Variants in EYS observed in about 807,000 individuals in gnomAD.
EYS encodes the protein EGF-like photoreceptor maintenance factor.
A neutral mutation model predicts 282.1 loss-of-function variants in EYS; 250 were observed. The observed-to-expected ratio is 0.89, with a 90% CI of 0.80 to 0.98. The LOEUF is 0.98. Among genes scored for constraint, EYS ranks in the 50% least tolerant of loss-of-function variants. EYS has a pLI of 0.00. For synonymous variants in EYS, 1,355 were observed against 1,282.9 expected (o/e 1.06, Z -1.20); for missense variants, 4,016 against 3,709.0 (o/e 1.08, Z -2.15).
chr6:65,604,407 G>A (rs562887813), intron 2 of EYS, among the ~76,000 whole-genome samples: 31 of 151,974 alleles, frequency 2.0e-4, no homozygotes, highest in African/African-American at 6.7e-4. Context: ...AAATTCACAC[G>A]ATTAATTACG....
chr6:65,459,968 T>TTATATATATATATATA (rs34762215), intron 5 of EYS, among the ~76,000 whole-genome samples: 7 of 80,660 alleles, frequency 8.7e-5, no homozygotes, highest in Non-Finnish European at 1.8e-4. Flanking sequence ...TTTGTGTATT[T>TTATATATATATATATA]TATATATATA....
intron 31 of EYS, among the ~76,000 whole-genome samples, chr6:64,125,091 C>T (rs116220907): frequency 0.018 from 2,768 of 151,898 alleles, 70 homozygotes; most frequent in African/African-American, 0.063. Context: ...TCTGCACAAG[C>T]AGGATAGATC....
intron 29 of EYS, among the ~76,000 whole-genome samples, chr6:64,332,148 T>G (rs1409779101): frequency 1.3e-5 from 2 of 152,144 alleles, no homozygotes; most frequent in African/African-American, 4.8e-5. Flanking sequence ...AGAAGTTTTG[T>G]CAAGAAACTC....
intron 7 of EYS, among the ~76,000 whole-genome samples, chr6:65,386,019 G>C (rs1346367933): frequency 2.0e-5 from 3 of 151,778 alleles, no homozygotes; most frequent in Admixed American, 6.6e-5. Context: ...GTGACTTTCG[G>C]GCTTACTTTG....
At chr6:64,688,478 T>C (rs111375562) in intron 22 of EYS, among the ~76,000 whole-genome samples, 1 of 152,192 alleles carries the variant, frequency 6.6e-6, no homozygotes, top group East Asian at 1.9e-4. Context: ...CATTTTGTTA[T>C]GTACCCAGTA....
chr6:64,175,965 A>C (rs13205132), intron 31 of EYS, among the ~76,000 whole-genome samples: 41,262 of 152,070 alleles, frequency 0.27, 5,827 homozygotes, highest in East Asian at 0.44. Flanking sequence ...GTAGAAGATA[A>C]GTGCTATGGG....
chr6:64,545,668 C>G (rs1562052573), intron 26 of EYS, among the ~76,000 whole-genome samples: 2 of 152,184 alleles, frequency 1.3e-5, no homozygotes, highest in Non-Finnish European at 2.9e-5. Flanking sequence ...GCAACTTCAG[C>G]AAAGTCTCAG....
chr6:64,964,116 C>T (rs538452129), intron 14 of EYS, among the ~76,000 whole-genome samples: 1 of 151,964 alleles, frequency 6.6e-6, no homozygotes, highest in East Asian at 1.9e-4. Flanking sequence ...TTTTAATAAA[C>T]ACACACTTCT....
intron 31 of EYS, among the ~76,000 whole-genome samples, chr6:64,151,317 T>TTATA (rs61575285): frequency 0.073 from 3,763 of 51,442 alleles, 114 homozygotes; most frequent in Non-Finnish European, 0.074. Flanking sequence ...GTGTGTATAT[T>TTATA]TATATATATA....
intron 24 of EYS, among the ~76,000 whole-genome samples, chr6:64,617,097 GTAT>G (rs1222250117): frequency 1.3e-5 from 2 of 152,084 alleles, no homozygotes; most frequent in African/African-American, 4.8e-5. Context: ...GACCCTGACG[GTAT>G]TAAGTAATTC....
At chr6:64,255,727 G>T (rs1402420405) in intron 30 of EYS, among the ~76,000 whole-genome samples, 1 of 151,958 alleles carries the variant, frequency 6.6e-6, no homozygotes, top group Admixed American at 6.6e-5. Flanking sequence ...GTGTATGTTT[G>T]TGTTTGAACA....
chr6:65,068,119 A>C (rs1298727909), intron 12 of EYS, among the ~76,000 whole-genome samples: 3 of 152,076 alleles, frequency 2.0e-5, no homozygotes, highest in African/African-American at 7.2e-5. Context: ...TTCCTCTTAT[A>C]CTAAAGATTT....
At chr6:63,887,314 G>GTTTTTTTTTTT (rs35622877) in intron 35 of EYS, among the ~76,000 whole-genome samples, 2 of 120,236 alleles carry the variant, frequency 1.7e-5, no homozygotes, top group Non-Finnish European at 3.3e-5. Context: ...AATAAAAGGT[G>GTTTTTTTTTTT]TTTTTTTTTT....
chr6:65,024,396 A>G (rs1772335238), intron 13 of EYS, among the ~76,000 whole-genome samples: 1 of 152,140 alleles, frequency 6.6e-6, no homozygotes, highest in Non-Finnish European at 1.5e-5. Context: ...AGTCATTCCC[A>G]TTCTTCCCTG....
At chr6:65,331,618 T>A (rs1451815006) in intron 11 of EYS, 3 of 980,158 alleles carry the variant, frequency 3.1e-6, no homozygotes, top group Admixed American at 6.2e-5. Context: ...TATCAAAAAA[T>A]AATGGCAAAC....
chr6:63,898,460 C>T (rs1238153194), intron 35 of EYS, among the ~76,000 whole-genome samples: 1 of 151,868 alleles, frequency 6.6e-6, no homozygotes, highest in East Asian at 1.9e-4. Context: ...CACTGCACTC[C>T]AGCCTGAGCA....
intron 22 of EYS, among the ~76,000 whole-genome samples, chr6:64,652,894 G>T (rs1331489273): frequency 1.3e-5 from 2 of 152,260 alleles, no homozygotes; most frequent in Non-Finnish European, 2.9e-5. Context: ...ATATGTGTGT[G>T]TGTGTTTGTG....
intron 12 of EYS, among the ~76,000 whole-genome samples, chr6:65,071,221 A>C (rs1446501560): frequency 6.6e-6 from 1 of 151,918 alleles, no homozygotes; most frequent in African/African-American, 2.4e-5. Context: ...TTAGAAAAAA[A>C]ACAAAAACTT....
intron 35 of EYS, among the ~76,000 whole-genome samples, chr6:63,954,891 C>A (rs192727465): frequency 2.0e-5 from 3 of 152,248 alleles, no homozygotes; most frequent in Admixed American, 2.0e-4. Flanking sequence ...ATTTCCTTTC[C>A]ATCACGGAAA....
Sources: gnomAD v4.1 joint callset for allele counts (sites outside exome capture counted in the v4.1 genomes callset) on GRCh38, gnomAD v4.1.1 for gene constraint, MANE v1.5 for transcripts, NCBI Gene and HGNC (gene_info 2026-07-23, HGNC 2026-07-21) for gene names.